The following TRIM44 variants were observed in gnomAD, a reference collection of about 807,000 sequenced individuals.
TRIM44 encodes tripartite motif-containing protein 44.
Under a neutral mutation model 37.4 loss-of-function variants are expected in TRIM44, and 13 were observed. That is an observed-to-expected ratio of 0.35 (90% confidence interval 0.23 to 0.55). TRIM44 has a LOEUF of 0.55. TRIM44 is among the 20% of genes least tolerant of loss of function. The pLI is 0.89. For missense variants in TRIM44, 426 were observed against 437.2 expected (o/e 0.97, Z 0.23); for synonymous variants, 175 against 157.2 (o/e 1.11, Z -0.85).
In TRIM44 at chr11:35,663,075, C is replaced by T. The variant is rs763277203; in HGVS notation, c.-37C>T. Reference sequence around the variant, plus strand: ...CGCGCGGAAGGAAGGCGGCGAGCCCCGGGGCCCCGAGGCCTTGGCCGCGTC... The same window carrying T: ...CGCGCGGAAGGAAGGCGGCGAGCCCTGGGGCCCCGAGGCCTTGGCCGCGTC... On this transcript the variant is annotated 5_prime_UTR_variant, in exon 1 of 5. Coordinates refer to ENST00000299413, the MANE Select transcript of TRIM44 (RefSeq NM_017583.6). The T allele has an allele frequency of 3.4e-6, 5 of 1,483,818 alleles. No homozygotes were observed. In the African/African-American group the frequency reaches 5.6e-5, roughly 17 times the overall value. 91.9% of individuals were successfully genotyped at this position (1,483,818 alleles called of 1,614,324 possible).
chr11:35,697,210 C>T (rs1851714142), intron 2 of TRIM44, among the ~76,000 whole-genome samples: 1 of 116,102 alleles, frequency 8.6e-6, no homozygotes, highest in South Asian at 3.5e-4. Context: ...GCTATCCCTC[C>T]CCCTCCCCCC....
At position 35,705,873 on chromosome 11, in the gene TRIM44, A is replaced by G. The variant is rs1272305500; in HGVS notation, c.748-20051A>G. 1.3e-5 allele frequency among the ~76,000 whole-genome samples: 2 copies of G among 148,726 alleles called. 1 individual carries two copies. Among genetic ancestry groups the G allele is most frequent in the South Asian group, 4.3e-4 (2 of 4,608 alleles). ...AAGAACTAGAAAAGCAAGAGCAAAC[A>G]CATTCAAAAGCTAGCAGAGGCAAGA... On this transcript the variant is annotated intron_variant, in intron 2 of 4. Coordinates refer to ENST00000299413, the MANE Select transcript of TRIM44 (RefSeq NM_017583.6).
intron 4 of TRIM44, among the ~76,000 whole-genome samples, chr11:35,766,744 T>TGACCATGAATAAGCTCCAA (rs1852803550): frequency 6.6e-6 from 1 of 152,218 alleles, no homozygotes; most frequent in Non-Finnish European, 1.5e-5. Flanking sequence ...ACTAATTCAG[T>TGACCATGAATAAGCTCCAA]GACCATGAAT....
chr11:35,689,578 A>G (rs1851617738), intron 2 of TRIM44, among the ~76,000 whole-genome samples: 1 of 152,194 alleles, frequency 6.6e-6, no homozygotes, highest in Admixed American at 6.5e-5. Context: ...TCTTATCTGT[A>G]GATTGAGTAC....
In TRIM44 at chr11:35,817,376, A is replaced by G. The variant is rs1414103281; in HGVS notation, c.*10991A>G. On this transcript the variant is annotated 3_prime_UTR_variant, in exon 5 of 5. Transcript: ENST00000299413. ...TTGGCACATCATGTTCTCTCTCTAC[A>G]TGCGCCTAAAATGACGGGTAGGGTC... The G allele has an allele frequency of 6.6e-6, 1 of 152,134 alleles. No homozygotes were observed. Among genetic ancestry groups the G allele is most frequent in the African/African-American group, 2.4e-5 (1 of 41,402 alleles). 9.4% of individuals were successfully genotyped at this position (152,134 alleles called of 1,614,324 possible).
chr11:35,756,344 C>T (rs1172138636), intron 4 of TRIM44, among the ~76,000 whole-genome samples: 1 of 152,018 alleles, frequency 6.6e-6, no homozygotes, highest in Non-Finnish European at 1.5e-5. Flanking sequence ...GTGATTTTTG[C>T]ACATTGATTT....
At chr11:35,753,383 C>G (rs959687906) in intron 4 of TRIM44, among the ~76,000 whole-genome samples, 8 of 152,162 alleles carry the variant, frequency 5.3e-5, no homozygotes, top group African/African-American at 1.7e-4. Flanking sequence ...TACAGCTTGA[C>G]AGAGATTCTA....
At chr11:35,771,746 G>T (rs963414234) in intron 4 of TRIM44, among the ~76,000 whole-genome samples, 1 of 148,428 alleles carries the variant, frequency 6.7e-6, no homozygotes, top group African/African-American at 2.5e-5. Context: ...AAAAAAAAAA[G>T]CATTTAGTTT....
intron 2 of TRIM44, among the ~76,000 whole-genome samples, chr11:35,696,403 A>C (rs532617843): frequency 1.3e-5 from 2 of 151,320 alleles, no homozygotes; most frequent in Admixed American, 1.3e-4. Context: ...CGGCCTCCCA[A>C]AGTGCTGGGA....
chr11:35,782,403 T>A (rs982072209), intron 4 of TRIM44, among the ~76,000 whole-genome samples: 1 of 152,178 alleles, frequency 6.6e-6, no homozygotes, highest in African/African-American at 2.4e-5. Context: ...GTGTTCTGTT[T>A]TGAGGAACAG....
At chr11:35,745,908 C>T (rs1193139346) in intron 4 of TRIM44, among the ~76,000 whole-genome samples, 1 of 152,088 alleles carries the variant, frequency 6.6e-6, no homozygotes, top group Non-Finnish European at 1.5e-5. Context: ...CTGGGAATCC[C>T]CCCGCCTTTA....
chr11:35,777,417 T>C (rs572190774), intron 4 of TRIM44, among the ~76,000 whole-genome samples: 172 of 152,324 alleles, frequency 1.1e-3, no homozygotes, highest in Middle Eastern at 6.8e-3. Context: ...AGTTTGCCAG[T>C]CTGTGTCTTT....
chr11:35,739,611 TCA>T (rs1262061255), intron 4 of TRIM44, among the ~76,000 whole-genome samples: 2 of 152,154 alleles, frequency 1.3e-5, no homozygotes, highest in African/African-American at 4.8e-5. Context: ...TGTCTCATTC[TCA>T]CACAGTATCC....
chr11:35,709,520 A>G (rs537471223), intron 2 of TRIM44, among the ~76,000 whole-genome samples: 1 of 152,310 alleles, frequency 6.6e-6, no homozygotes, highest in South Asian at 2.1e-4. Context: ...AGTCAGATGT[A>G]AGAGGCCTCT....
chr11:35,764,174 T>C (rs1852762958), intron 4 of TRIM44, among the ~76,000 whole-genome samples: 1 of 152,178 alleles, frequency 6.6e-6, no homozygotes, highest in African/African-American at 2.4e-5. Flanking sequence ...TGGCAATCAT[T>C]TGGTCCCTCT....
chr11:35,724,231 AC>A (rs1852141806), intron 2 of TRIM44: 1 of 152,078 alleles, frequency 6.6e-6, no homozygotes. Context: ...TTAATCTGCT[AC>A]CCCCTCCTGT....
At chr11:35,727,750 T>C (rs2135516939) in intron 3 of TRIM44, among the ~76,000 whole-genome samples, 1 of 152,248 alleles carries the variant, frequency 6.6e-6, no homozygotes, top group East Asian at 1.9e-4. Context: ...GAGCCAGGGT[T>C]TAGATTTAAG....
intron 4 of TRIM44, among the ~76,000 whole-genome samples, chr11:35,772,084 C>T (rs1852880796): frequency 6.6e-6 from 1 of 152,192 alleles, no homozygotes; most frequent in Non-Finnish European, 1.5e-5. Flanking sequence ...CAACGTAGAG[C>T]TCGGGCCTTG....
chr11:35,806,007 C>T (rs552679258), intron 4 of TRIM44, among the ~76,000 whole-genome samples: 2 of 152,168 alleles, frequency 1.3e-5, no homozygotes, highest in South Asian at 4.2e-4. Context: ...TGATTTTTAC[C>T]AGCAATTTAT....
Sources: gnomAD v4.1 joint callset for allele counts (sites outside exome capture counted in the v4.1 genomes callset) on GRCh38, gnomAD v4.1.1 for gene constraint, MANE v1.5 for transcripts, NCBI Gene and HGNC (gene_info 2026-07-23, HGNC 2026-07-21) for gene names.